Variants in HS6ST3 observed in about 807,000 individuals in gnomAD.
HS6ST3 encodes heparan sulfate 6-O-sulfotransferase 3, also known as heparan-sulfate 6-O-sulfotransferase 3.
A neutral mutation model predicts 36.7 loss-of-function variants in HS6ST3; 12 were observed. The ratio of observed to expected loss-of-function variants is 0.33; its 90% CI spans 0.21 to 0.53. HS6ST3 has a LOEUF of 0.53. HS6ST3 is among the 20% of genes least tolerant of loss of function. HS6ST3 has a pLI of 0.95. For missense variants in HS6ST3, 584 were observed against 640.9 expected, an observed-to-expected ratio of 0.91 and a Z score of 0.96; for synonymous variants, 240 against 257.5, an observed-to-expected ratio of 0.93 and a Z score of 0.65.
chr13:96,394,668 A>G (rs1210106099), intron 1 of HS6ST3, among the ~76,000 whole-genome samples: 1 of 152,208 alleles, frequency 6.6e-6, no homozygotes, highest in Non-Finnish European at 1.5e-5. Flanking sequence ...ATAGCATATT[A>G]ACAATAATCT....
At chr13:96,174,219 C>T (rs1036465446) in intron 1 of HS6ST3, among the ~76,000 whole-genome samples, 2 of 152,062 alleles carry the variant, frequency 1.3e-5, no homozygotes, top group Admixed American at 6.5e-5. Context: ...GATGCCAGCT[C>T]CACTCCTCAG....
At chr13:96,566,328 A>G (rs1235148566) in intron 1 of HS6ST3, among the ~76,000 whole-genome samples, 1 of 152,168 alleles carries the variant, frequency 6.6e-6, no homozygotes, top group East Asian at 1.9e-4. Flanking sequence ...ACCTCCTTTG[A>G]AAAGATTATG....
chr13:96,306,111 T>C (rs1399305397), intron 1 of HS6ST3, among the ~76,000 whole-genome samples: 1 of 145,388 alleles, frequency 6.9e-6, no homozygotes, highest in African/African-American at 2.7e-5. Context: ...TTTTTCTTTT[T>C]TTTTTTTTTT....
chr13:96,811,104 T>C (rs1878308554), intron 1 of HS6ST3, among the ~76,000 whole-genome samples: 1 of 152,176 alleles, frequency 6.6e-6, no homozygotes, highest in Non-Finnish European at 1.5e-5. Flanking sequence ...GTGAATCTTT[T>C]TCTTGTTAAT....
chr13:96,647,090 T>G (rs2056591310), intron 1 of HS6ST3, among the ~76,000 whole-genome samples: 1 of 152,012 alleles, frequency 6.6e-6, no homozygotes, highest in Non-Finnish European at 1.5e-5. Flanking sequence ...TAGGTGGCCT[T>G]CTCTGCATCA....
intron 1 of HS6ST3, among the ~76,000 whole-genome samples, chr13:96,497,231 C>T (rs565259624): frequency 1.2e-4 from 19 of 152,232 alleles, no homozygotes; most frequent in East Asian, 1.2e-3. Flanking sequence ...ATGGATCAAT[C>T]TCAGGCCTCG....
intron 1 of HS6ST3, among the ~76,000 whole-genome samples, chr13:96,817,421 G>C (rs541877475): frequency 6.6e-6 from 1 of 152,264 alleles, no homozygotes; most frequent in East Asian, 1.9e-4. Flanking sequence ...TGAATGTAAC[G>C]TGTCAGAAGT....
chr13:96,320,621 T>C (rs1679276449), intron 1 of HS6ST3, among the ~76,000 whole-genome samples: 1 of 152,244 alleles, frequency 6.6e-6, no homozygotes, highest in Non-Finnish European at 1.5e-5. Context: ...AAGTTTTCTC[T>C]ACACTGGGGT....
At chr13:96,175,244 G>C (rs894010268) in intron 1 of HS6ST3, among the ~76,000 whole-genome samples, 1 of 152,068 alleles carries the variant, frequency 6.6e-6, no homozygotes, top group East Asian at 1.9e-4. Flanking sequence ...ATGAAAGTTC[G>C]GGTGAGTGGA....
At chr13:96,720,598 C>A (rs2138468361) in intron 1 of HS6ST3, among the ~76,000 whole-genome samples, 1 of 152,282 alleles carries the variant, frequency 6.6e-6, no homozygotes, top group Non-Finnish European at 1.5e-5. Context: ...CTATAGTTAT[C>A]ATCACTGAGT....
At chr13:96,239,683 T>TATATATAAATATATATATA (rs1566298145) in intron 1 of HS6ST3, among the ~76,000 whole-genome samples, 2 of 152,018 alleles carry the variant, frequency 1.3e-5, no homozygotes, top group South Asian at 2.1e-4. Context: ...ACACAAAGAG[T>TATATATAAATATATATATA]TTATATATAA....
At chr13:96,525,499 A>G (rs1465985110) in intron 1 of HS6ST3, among the ~76,000 whole-genome samples, 1 of 152,130 alleles carries the variant, frequency 6.6e-6, no homozygotes, top group South Asian at 2.1e-4. Context: ...GCTACTGACA[A>G]TATAATGCAG....
At chr13:96,151,880 C>G (rs556565682) in intron 1 of HS6ST3, among the ~76,000 whole-genome samples, 1 of 152,296 alleles carries the variant, frequency 6.6e-6, no homozygotes, top group Admixed American at 6.5e-5. Flanking sequence ...CTGCATGTCT[C>G]TCTCTTCTTA....
At chr13:96,548,648 A>C (rs2056206867) in intron 1 of HS6ST3, among the ~76,000 whole-genome samples, 2 of 152,172 alleles carry the variant, frequency 1.3e-5, no homozygotes, top group Admixed American at 6.5e-5. Context: ...TCATCAAATA[A>C]AGAATTGGCT....
intron 1 of HS6ST3, among the ~76,000 whole-genome samples, chr13:96,797,095 G>A (rs1002932929): frequency 6.6e-6 from 1 of 152,104 alleles, no homozygotes; most frequent in Non-Finnish European, 1.5e-5. Context: ...CTCAGAGAAA[G>A]AGATCCAGTT....
chr13:96,365,948 A>G (rs1259742620), intron 1 of HS6ST3, among the ~76,000 whole-genome samples: 2 of 152,190 alleles, frequency 1.3e-5, no homozygotes, highest in African/African-American at 4.8e-5. Context: ...AGACGACTCC[A>G]TAAGCTTGTT....
intron 1 of HS6ST3, among the ~76,000 whole-genome samples, chr13:96,649,351 C>T (rs550260889): frequency 3.9e-4 from 60 of 151,990 alleles, no homozygotes; most frequent in Admixed American, 7.2e-4. Flanking sequence ...CATCAGATCT[C>T]GTGAAAACTA....
chr13:96,488,146 C>T (rs186229612), intron 1 of HS6ST3, among the ~76,000 whole-genome samples: 32 of 152,122 alleles, frequency 2.1e-4, no homozygotes, highest in African/African-American at 6.0e-4. Flanking sequence ...TTTTTTCTCC[C>T]GGTTTGGCTT....
chr13:96,202,628 C>T lies in HS6ST3; in HGVS notation c.707+111059C>T, dbSNP rs538970042. On this transcript the variant is annotated intron_variant, in intron 1 of 1. Coordinates refer to ENST00000376705, the MANE Select transcript of HS6ST3 (RefSeq NM_153456.4). The stretch of plus-strand genomic sequence containing the variant: ...TGGCAGAGTTGCCCGAGAAGGCAGA[C>T]CACTCTGATTTATGTTCGTTTCTCT... Among the ~76,000 whole-genome samples the T allele has an allele frequency of 2.0e-5, 3 of 152,292 alleles. 1 individual carries two copies. The South Asian group carries it at 6.2e-4, about 32-fold the overall frequency.
Sources: allele counts gnomAD v4.1 joint callset (sites outside exome capture counted in the v4.1 genomes callset), GRCh38; gene constraint gnomAD v4.1.1; transcripts MANE v1.5; gene names NCBI Gene and HGNC (gene_info 2026-07-23, HGNC 2026-07-21).